The following TAFA5 variants were observed in gnomAD, a reference collection of about 807,000 sequenced individuals.
TAFA5 encodes chemokine-like protein TAFA-5.
Under a neutral mutation model 15.3 loss-of-function variants are expected in TAFA5, and 6 were observed. The ratio of observed to expected loss-of-function variants is 0.39; its 90% CI spans 0.21 to 0.77. The LOEUF (loss-of-function observed/expected upper bound fraction) is 0.77, where lower values mean the gene tolerates loss of function less well. TAFA5 is among the 30% of genes least tolerant of loss of function. TAFA5 has a pLI of 0.41. For synonymous variants in TAFA5, 103 were observed against 80.7 expected, an observed-to-expected ratio of 1.28 and a Z score of -1.48; for missense variants, 161 against 193.1, an observed-to-expected ratio of 0.83 and a Z score of 0.98.
At chr22:48,737,547 C>A (rs1930064616) in intron 3 of TAFA5, among the ~76,000 whole-genome samples, 1 of 152,176 alleles carries the variant, frequency 6.6e-6, no homozygotes, top group African/African-American at 2.4e-5. Context: ...TGGGAGAGGG[C>A]ACCGCACACT....
At chr22:48,553,775 C>CCGGT (rs1922938270) in intron 1 of TAFA5, among the ~76,000 whole-genome samples, 1 of 152,166 alleles carries the variant, frequency 6.6e-6, no homozygotes, top group South Asian at 2.1e-4. Flanking sequence ...CCTGGCATGC[C>CCGGT]CGGTCCTCGT....
At chr22:48,624,133 G>T (rs1925946399) in intron 1 of TAFA5, among the ~76,000 whole-genome samples, 1 of 152,188 alleles carries the variant, frequency 6.6e-6, no homozygotes, top group Admixed American at 6.5e-5. Flanking sequence ...CAGTTTTGAG[G>T]AGCGAAGTTG....
chr22:48,670,506 C>T (rs1253874880), intron 2 of TAFA5, among the ~76,000 whole-genome samples: 7 of 152,230 alleles, frequency 4.6e-5, no homozygotes, highest in Non-Finnish European at 1.0e-4. Flanking sequence ...GGAGAGCTGC[C>T]GGCTGGGCTC....
At chr22:48,541,892 T>C (rs1922386980) in intron 1 of TAFA5, among the ~76,000 whole-genome samples, 1 of 151,822 alleles carries the variant, frequency 6.6e-6, no homozygotes, top group African/African-American at 2.4e-5. Context: ...CCCCGGGGCA[T>C]GTTGGGGGCC....
intron 1 of TAFA5, among the ~76,000 whole-genome samples, chr22:48,501,217 T>G (rs1411936180): frequency 6.6e-6 from 1 of 152,206 alleles, no homozygotes; most frequent in African/African-American, 2.4e-5. Flanking sequence ...AGCTGTGGCC[T>G]GAATGCATGG....
chr22:48,595,420 C>T (rs1023037285), intron 1 of TAFA5, among the ~76,000 whole-genome samples: 2 of 152,220 alleles, frequency 1.3e-5, no homozygotes, highest in African/African-American at 2.4e-5. Context: ...CAGGGGCTGG[C>T]GTTATCCTGT....
chr22:48,544,013 G>A (rs2147122249), intron 1 of TAFA5: 1 of 152,458 alleles, frequency 6.6e-6, no homozygotes, highest in East Asian at 1.9e-4. Flanking sequence ...CACCATGGAT[G>A]TCTGTCCTTG....
intron 1 of TAFA5, among the ~76,000 whole-genome samples, chr22:48,638,217 A>G (rs920034383): frequency 6.6e-6 from 1 of 152,048 alleles, no homozygotes; most frequent in Non-Finnish European, 1.5e-5. Context: ...GACTGGTCAC[A>G]GGGTACACGT....
chr22:48,527,495 G>A (rs753107180), intron 1 of TAFA5, among the ~76,000 whole-genome samples: 4 of 152,214 alleles, frequency 2.6e-5, no homozygotes, highest in African/African-American at 4.8e-5. Flanking sequence ...GAGACAGCCG[G>A]CTACTCCCCG....
intron 3 of TAFA5, among the ~76,000 whole-genome samples, chr22:48,731,433 C>T (rs1929866079): frequency 6.6e-6 from 1 of 152,206 alleles, no homozygotes; most frequent in Non-Finnish European, 1.5e-5. Flanking sequence ...CAAGAAGACG[C>T]CCACTGTGGG....
chr22:48,518,186 G>T (rs1601844746), intron 1 of TAFA5, among the ~76,000 whole-genome samples: 1 of 152,234 alleles, frequency 6.6e-6, no homozygotes, highest in East Asian at 1.9e-4. Flanking sequence ...CCCAGGAGCT[G>T]AGATGGTACC....
intron 2 of TAFA5, among the ~76,000 whole-genome samples, chr22:48,665,846 C>G (rs1008818606): frequency 3.3e-5 from 5 of 152,110 alleles, no homozygotes; most frequent in African/African-American, 1.2e-4. Flanking sequence ...CGAACCAGGG[C>G]CCTCTCTGTT....
Position 48,651,469 on chromosome 22 carries a change from C to T in TAFA5, c.262+4723C>T, listed in dbSNP as rs141858174. 1.2e-3 allele frequency among the ~76,000 whole-genome samples: 177 copies of T among 152,214 alleles called. 1 individual carries two copies. The highest frequency in any genetic ancestry group is 4.0e-3 in the African/African-American group (165 of 41,530). On this transcript the variant is annotated intron_variant, in intron 2 of 3. Transcript: ENST00000402357. ...TATATTCTCCAGGCATGAGGCCTTG[C>T]GAGCCACCTGGGTCCTGGGCTGGGA...
At chr22:48,595,889 A>T (rs891574429) in intron 1 of TAFA5, among the ~76,000 whole-genome samples, 5 of 152,258 alleles carry the variant, frequency 3.3e-5, no homozygotes, top group Admixed American at 2.0e-4. Flanking sequence ...TATGCAAAAC[A>T]ATCTGTAAGT....
intron 3 of TAFA5, among the ~76,000 whole-genome samples, chr22:48,747,399 C>T (rs918600434): frequency 2.6e-5 from 4 of 152,172 alleles, no homozygotes; most frequent in African/African-American, 9.7e-5. Flanking sequence ...GGAGCAGCCC[C>T]AGGAAAGAAG....
rs372590451 is a variant in TAFA5, at chr22:48,601,273, T to C, written c.113-45324T>C. Among the ~76,000 whole-genome samples, 35 of 152,342 alleles carry C rather than the reference T, an allele frequency of 2.3e-4. No homozygotes were observed. In the South Asian group the frequency reaches 5.4e-3, roughly 23 times the overall value. On this transcript the variant is annotated intron_variant, in intron 1 of 3. Transcript: ENST00000402357. ...TTATGGAGAAGGAGGCTTCTGTCTCTCTCCACATACCCTTGTATATGACGT... is the reference window on the plus strand; with the variant it reads ...TTATGGAGAAGGAGGCTTCTGTCTCCCTCCACATACCCTTGTATATGACGT...
chr22:48,651,114 C>A (rs991043383), intron 2 of TAFA5, among the ~76,000 whole-genome samples: 3 of 152,236 alleles, frequency 2.0e-5, no homozygotes, highest in Non-Finnish European at 4.4e-5. Context: ...AAGTTGAGTT[C>A]TCCTGAAACT....
At chr22:48,627,969 C>T (rs917035666) in intron 1 of TAFA5, among the ~76,000 whole-genome samples, 6 of 152,216 alleles carry the variant, frequency 3.9e-5, no homozygotes, top group African/African-American at 1.2e-4. Context: ...CTCCCACCAT[C>T]CAGGCGGGGA....
At chr22:48,674,824 G>A (rs1251573945) in intron 2 of TAFA5, among the ~76,000 whole-genome samples, 5 of 152,154 alleles carry the variant, frequency 3.3e-5, no homozygotes, top group Admixed American at 6.5e-5. Context: ...CAGTTTTATC[G>A]GGACACTGTC....
Sources: allele counts gnomAD v4.1 joint callset (sites outside exome capture counted in the v4.1 genomes callset), GRCh38; gene constraint gnomAD v4.1.1; transcripts MANE v1.5; gene names NCBI Gene and HGNC (gene_info 2026-07-23, HGNC 2026-07-21).